USP53: variants seen among roughly 807,000 people sequenced by gnomAD.
The protein encoded by USP53 is ubiquitin carboxyl-terminal hydrolase 53.
USP53 carries 71 observed loss-of-function variants against 94.9 expected under a neutral mutation model. The ratio of observed to expected loss-of-function variants is 0.75; its 90% CI spans 0.62 to 0.91. The LOEUF is 0.91. Ranked by LOEUF, USP53 falls within the 40% of genes least tolerant of loss-of-function variation. USP53 has a pLI of 0.00. For missense variants in USP53, 1,173 were observed against 1,281.0 expected (o/e 0.92, Z 1.29); for synonymous variants, 375 against 422.7 (o/e 0.89, Z 1.39).
intron 17 of USP53, among the ~76,000 whole-genome samples, chr4:119,285,553 A>G (rs1348550986): frequency 6.6e-6 from 1 of 151,840 alleles, no homozygotes; most frequent in Non-Finnish European, 1.5e-5. Flanking sequence ...TAAGTCCCTT[A>G]TTTCTTCTTG....
intron 17 of USP53, among the ~76,000 whole-genome samples, chr4:119,273,966 C>T (rs932856892): frequency 3.3e-5 from 5 of 149,652 alleles, no homozygotes; most frequent in Admixed American, 6.6e-5. Flanking sequence ...ACATTGACTT[C>T]ACAAAGTGTT....
chr4:119,293,266 C>T lies in USP53; in HGVS notation c.*55C>T. On this transcript the variant is annotated 3_prime_UTR_variant, in exon 19 of 19. Coordinates refer to ENST00000692078, the MANE Select transcript of USP53 (RefSeq NM_001371395.1). Reference sequence around the variant, plus strand: ...AATAATCTTGGTTCAAGCTGCCCTTCTGAACAAAGATATAAACCTAGCATA... The same window carrying T: ...AATAATCTTGGTTCAAGCTGCCCTTTTGAACAAAGATATAAACCTAGCATA... The T allele has an allele frequency of 6.6e-7, 1 of 1,512,744 alleles. No homozygotes were observed. Among genetic ancestry groups the T allele is most frequent in the Non-Finnish European group, 8.8e-7 (1 of 1,140,328 alleles). 93.7% of individuals were successfully genotyped at this position (1,512,744 alleles called of 1,614,324 possible).
chr4:119,238,755 G>A (rs148270682), intron 4 of USP53, among the ~76,000 whole-genome samples: 320 of 152,302 alleles, frequency 2.1e-3, no homozygotes, highest in African/African-American at 7.1e-3. Context: ...TTAATCAGGA[G>A]TGTGCGTTTG....
rs772141764 is a variant in USP53, at chr4:119,292,379, C to G, written c.2390C>G (p.Ser797Cys). 8 of 1,609,524 alleles carry G rather than the reference C, an allele frequency of 5.0e-6. No homozygotes were observed. The highest frequency in any genetic ancestry group is 1.7e-4 in the Middle Eastern group (1 of 6,020). ...HEDNGKLFPSSSLQIPKDHNA... is the reference protein window; with the variant it reads ...HEDNGKLFPSCSLQIPKDHNA... ...GACAATGGAAAGTTATTTCCTTCAT[C>G]CAGTCTACAAATACCCAAGGACCAT... Residue 797 changes from serine to cysteine, a missense_variant, in exon 19 of 19, where the codon TCC becomes TGC. By Grantham distance (112) the Ser-to-Cys change is moderately radical (BLOSUM62 -1). Transcript: ENST00000692078.
At chr4:119,273,509 G>T in intron 16 of USP53, 123 bp from the exon 17 acceptor site, 1 of 597,044 alleles carries the variant, frequency 1.7e-6, no homozygotes, top group Non-Finnish European at 2.9e-6. Flanking sequence ...ATTAAATAAT[G>T]TACATTAAGC....
At chr4:119,288,409 A>G (rs1166854716) in intron 17 of USP53, among the ~76,000 whole-genome samples, 1 of 152,216 alleles carries the variant, frequency 6.6e-6, no homozygotes, top group Non-Finnish European at 1.5e-5. Flanking sequence ...CCATTTACAC[A>G]CAGATAATAC....
Position 119,271,114 on chromosome 4 carries a change from T to TCA in USP53, c.1436-181_1436-180dup, listed in dbSNP as rs929510187. 3.5e-5 allele frequency: 23 copies of TCA among 659,686 alleles called. 1 individual carries two copies. Among genetic ancestry groups the TCA allele is most frequent in the Non-Finnish European group, 3.6e-5 (19 of 532,844 alleles). The allele number at this position is 659,686 out of a possible 1,614,324, so 40.9% of individuals were successfully genotyped here. On this transcript the variant is annotated intron_variant, in intron 15 of 18. Coordinates refer to ENST00000692078, the MANE Select transcript of USP53 (RefSeq NM_001371395.1). The stretch of plus-strand genomic sequence containing the variant: ...TTGAAGTTTCTTTTACAAATACCCC[T>TCA]CATTAAGCATACACAAGGACTGGAA...
chr4:119,279,290 C>A (rs2149449700), intron 17 of USP53, among the ~76,000 whole-genome samples: 1 of 134,316 alleles, frequency 7.4e-6, no homozygotes, highest in Non-Finnish European at 1.6e-5. Context: ...GTGTGGATGT[C>A]CTTTCTGTTT....
At chr4:119,282,287 A>C (rs149538371) in intron 17 of USP53, among the ~76,000 whole-genome samples, 1 of 152,160 alleles carries the variant, frequency 6.6e-6, no homozygotes, top group African/African-American at 2.4e-5. Context: ...TTAGTGTGCA[A>C]ATGTCTGTTT....
chr4:119,268,369 A>G lies in USP53; in HGVS notation c.1237A>G (p.Ile413Val). The change falls in exon 14 of 19, where the codon ATT becomes GTT. Residue 413 changes from isoleucine to valine, a missense_variant. By Grantham distance (29) the Ile-to-Val change is conservative. Transcript: ENST00000692078. ...AAATCAGAAATTTCCAACTGATAAT[A>G]TTTCATCATCTAATCGGAGCCACAG... Reference protein sequence around the residue: ...RENQKFPTDNISSSNRSHSHT... With the variant: ...RENQKFPTDNVSSSNRSHSHT... The G allele has an allele frequency of 1.9e-6, 3 of 1,613,992 alleles. No individual in the cohort carries two copies. The highest frequency in any genetic ancestry group is 2.5e-6 in the Non-Finnish European group (3 of 1,179,918).
intron 5 of USP53, among the ~76,000 whole-genome samples, chr4:119,241,134 T>C (rs185684251): frequency 1.2e-4 from 18 of 152,300 alleles, no homozygotes; most frequent in Non-Finnish European, 2.2e-4. Flanking sequence ...GCACCCAAAA[T>C]ACTATGTATA....
intron 17 of USP53, among the ~76,000 whole-genome samples, chr4:119,284,795 A>C (rs1277548383): frequency 1.3e-5 from 2 of 151,938 alleles, no homozygotes; most frequent in Non-Finnish European, 2.9e-5. Flanking sequence ...AAACCCTTGA[A>C]GTACATTATG....
At position 119,271,405 on chromosome 4, in the gene USP53, A is replaced by G. The variant is rs1239805250; in HGVS notation, c.1545A>G (p.Ser515=). 11 of 1,613,972 alleles carry G rather than the reference A, an allele frequency of 6.8e-6. No homozygotes were observed. The highest frequency in any genetic ancestry group is 9.3e-6 in the Non-Finnish European group (11 of 1,180,018). The change falls in exon 16 of 19, where the codon TCA becomes TCG. Residue 515 remains serine (S), a synonymous_variant. Transcript: ENST00000692078. ...PHLYHSQGKG[S]YKHDRVVPQS... ...TATATCATAGTCAAGGAAAAGGATC[A>G]TATAAACATGACCGAGTTGTACCTC...
intron 3 of USP53, chr4:119,220,846 C>T (rs56894567): frequency 0.22 from 33,394 of 151,880 alleles, 3,730 homozygotes; most frequent in African/African-American, 0.26. Flanking sequence ...CAAGTAAAAG[C>T]GGGAATTTAT....
chr4:119,229,356 A>G (rs1247856090), intron 3 of USP53, among the ~76,000 whole-genome samples: 1 of 152,000 alleles, frequency 6.6e-6, no homozygotes, highest in Non-Finnish European at 1.5e-5. Context: ...TCTTATGTTT[A>G]TATGTTCATG....
chr4:119,241,378 CT>C (rs1302659600), intron 5 of USP53, among the ~76,000 whole-genome samples: 4 of 152,140 alleles, frequency 2.6e-5, no homozygotes, highest in African/African-American at 9.6e-5. Flanking sequence ...TTTTCTATTG[CT>C]TGAAGGATCT....
chr4:119,252,608 T>C (rs1749177519), intron 7 of USP53, among the ~76,000 whole-genome samples: 1 of 152,222 alleles, frequency 6.6e-6, no homozygotes, highest in Non-Finnish European at 1.5e-5. Flanking sequence ...TTGCATTTAT[T>C]TGATTCTGCT....
At position 119,295,168 on chromosome 4, in the gene USP53, A is replaced by G. The variant is rs1436809285; in HGVS notation, c.*1957A>G. ...AACTCAGTTGAGTTGTAGATATCAAATAGAAATGTCCAGTTTTGCCTCTTT... is the reference window on the plus strand; with the variant it reads ...AACTCAGTTGAGTTGTAGATATCAAGTAGAAATGTCCAGTTTTGCCTCTTT... On this transcript the variant is annotated 3_prime_UTR_variant, in exon 19 of 19. Coordinates refer to ENST00000692078, the MANE Select transcript of USP53 (RefSeq NM_001371395.1). 6.6e-6 allele frequency: 1 copy of G among 152,180 alleles called. No individual in the cohort carries two copies. The highest frequency in any genetic ancestry group is 1.9e-4 in the East Asian group (1 of 5,198). 9.4% of individuals were successfully genotyped at this position (152,180 alleles called of 1,614,324 possible).
At chr4:119,247,449 G>A (rs188066549) in intron 6 of USP53, among the ~76,000 whole-genome samples, 171 of 152,100 alleles carry the variant, frequency 1.1e-3, no homozygotes, top group African/African-American at 4.0e-3. Context: ...GGCCTTCCCC[G>A]ACTACCCTAG....
Sources: gnomAD v4.1 joint callset for allele counts (sites outside exome capture counted in the v4.1 genomes callset) on GRCh38, gnomAD v4.1.1 for gene constraint, MANE v1.5 for transcripts, NCBI Gene and HGNC (gene_info 2026-07-23, HGNC 2026-07-21) for gene names.